The following FGB variants were observed in gnomAD, a reference collection of about 807,000 sequenced individuals.
The protein encoded by FGB is beta-fibrinogen.
In FGB, 25 loss-of-function variants were observed where a neutral mutation model predicts 57.9. The observed-to-expected ratio is 0.43, with a 90% CI of 0.31 to 0.60. The LOEUF (loss-of-function observed/expected upper bound fraction) is 0.60. Among genes scored for constraint, FGB ranks in the 20% least tolerant of loss-of-function variants. The probability of loss-of-function intolerance (pLI) is 0.08; values close to 1 mark genes in which losing one functional copy is unlikely to be tolerated. For synonymous variants in FGB, 203 were observed against 199.2 expected (o/e 1.02, Z -0.16); for missense variants, 536 against 598.4 (o/e 0.90, Z 1.09).
intron 2 of FGB, among the ~76,000 whole-genome samples, chr4:154,566,209 A>G (rs1252496502): frequency 1.3e-5 from 2 of 152,194 alleles, no homozygotes; most frequent in African/African-American, 2.4e-5. Flanking sequence ...AAAATTTCAA[A>G]TTAGGATATG....
At position 154,569,692 on chromosome 4, in the gene FGB, C is replaced by A. The variant is rs371254124; in HGVS notation, c.1137C>A (p.Ala379=). The A allele has an allele frequency of 3.1e-6, 5 of 1,614,018 alleles. No individual in the cohort carries two copies. Among genetic ancestry groups the A allele is most frequent in the Non-Finnish European group, 4.2e-6 (5 of 1,179,984 alleles). ...CAGTGAACAAATACAGAGGAACAGC[C>A]GGTAATGCCCTCATGGATGGAGCAT... ...QISVNKYRGT[A]GNALMDGASQ... The change falls in exon 7 of 8, where the codon GCC becomes GCA. Residue 379 remains alanine, a synonymous_variant. Coordinates refer to ENST00000302068, the MANE Select transcript of FGB (RefSeq NM_005141.5).
At position 154,571,115 on chromosome 4, in the gene FGB, A is replaced by G; in HGVS notation, c.*465A>G. On this transcript the variant is annotated 3_prime_UTR_variant, in exon 8 of 8. Coordinates refer to ENST00000302068, the MANE Select transcript of FGB (RefSeq NM_005141.5). ...AATGTTTTCTTGTTTTGTAATCCAC[A>G]CATTCAATGAGTTAGGCTTTGCACT... 3.8e-6 allele frequency: 1 copy of G among 261,826 alleles called. No individual in the cohort carries two copies. The highest frequency in any genetic ancestry group is 5.2e-5 in the Admixed American group (1 of 19,318). 16.2% of individuals were successfully genotyped at this position (261,826 alleles called of 1,614,324 possible). A position where few individuals can be genotyped will look rare whatever the true frequency, so the allele number is the denominator to read the frequency against.
chr4:154,564,664 C>T (rs911886500), intron 1 of FGB, among the ~76,000 whole-genome samples: 1 of 151,876 alleles, frequency 6.6e-6, no homozygotes, highest in Non-Finnish European at 1.5e-5. Flanking sequence ...CTTCTAGACT[C>T]ACAAAATTGC....
At chr4:154,565,720 C>T in intron 1 of FGB, 88 bp from the exon 2 acceptor site, 1 of 1,336,636 alleles carries the variant, frequency 7.5e-7, no homozygotes, top group Non-Finnish European at 1.1e-6. Flanking sequence ...CTTGTGATAA[C>T]CTAAATTATA....
At position 154,570,798 on chromosome 4, in the gene FGB, A is replaced by G; in HGVS notation, c.*148A>G. 1 of 702,912 alleles carries G rather than the reference A, an allele frequency of 1.4e-6. No homozygotes were observed. The highest frequency in any genetic ancestry group is 2.6e-6 in the Non-Finnish European group (1 of 383,686). The allele number at this position is 702,912 out of a possible 1,614,324, so 43.5% of individuals were successfully genotyped here. On this transcript the variant is annotated 3_prime_UTR_variant, in exon 8 of 8. Coordinates refer to ENST00000302068, the MANE Select transcript of FGB (RefSeq NM_005141.5). ...TTGAAAAAAGTATAGGATAAATTAC[A>G]TTAAAATAGCACATGATTTTCTTTT...
intron 1 of FGB, chr4:154,565,519 A>G: frequency 2.5e-6 from 1 of 393,544 alleles, no homozygotes. Flanking sequence ...GTTCCAATGT[A>G]TGTTTTAGGA....
rs770246669 is a variant in FGB, at chr4:154,566,564, G to A, written c.382G>A (p.Asp128Asn). The A allele has an allele frequency of 2.8e-5, 46 of 1,614,102 alleles. No individual in the cohort carries two copies. The highest frequency in any genetic ancestry group is 3.6e-5 in the Non-Finnish European group (43 of 1,179,978). Residue 128 changes from aspartate to asparagine, a missense_variant, in exon 3 of 8, where the codon GAT (aspartate) becomes AAT (asparagine). By Grantham distance (23) the Asp-to-Asn change is conservative. Around this residue, in one of 3 missense-constraint regions of FGB, gnomAD observed 354 missense variants for 383.4 expected, o/e 0.92. Transcript: ENST00000302068. ...GGAAAGGCCAATCAGAAATAGTGTTGATGAGTTAAATAACAATGTGGAAGC... is the reference window on the plus strand; with the variant it reads ...GGAAAGGCCAATCAGAAATAGTGTTAATGAGTTAAATAACAATGTGGAAGC... ...QQERPIRNSVDELNNNVEAVS... is the reference protein window; with the variant it reads ...QQERPIRNSVNELNNNVEAVS...
In FGB at chr4:154,571,023, G is replaced by A. The variant is rs2227420; in HGVS notation, c.*373G>A. The stretch of plus-strand genomic sequence containing the variant: ...CACTTTTAAAACTATATTTATTTAT[G>A]TAGGATCTGTCAAAGAAAACTTCCA... On this transcript the variant is annotated 3_prime_UTR_variant, in exon 8 of 8. Transcript: ENST00000302068. The A allele has an allele frequency of 6.2e-3, 1,904 of 308,986 alleles. 42 individuals carry two copies. Among genetic ancestry groups the A allele is most frequent in the African/African-American group, 0.039 (1,788 of 45,452 alleles). 19.1% of individuals were successfully genotyped at this position (308,986 alleles called of 1,614,324 possible). A position where few individuals can be genotyped will look rare whatever the true frequency, so the allele number is the denominator to read the frequency against.
At position 154,565,212 on chromosome 4, in the gene FGB, C is replaced by T. The variant is rs528071571; in HGVS notation, c.115-596C>T. On this transcript the variant is annotated intron_variant, in intron 1 of 7. Coordinates refer to ENST00000302068, the MANE Select transcript of FGB (RefSeq NM_005141.5). ...TGAGAAAACTGGGGCACAGATAAAGCAACTTGCCCAAGGTCTCATAGCTGT... is the reference window on the plus strand; with the variant it reads ...TGAGAAAACTGGGGCACAGATAAAGTAACTTGCCCAAGGTCTCATAGCTGT... 78 of 464,200 alleles carry T rather than the reference C, an allele frequency of 1.7e-4. 1 individual carries two copies. In the East Asian group the frequency reaches 5.0e-3, roughly 30 times the overall value. 28.8% of individuals were successfully genotyped at this position (464,200 alleles called of 1,614,324 possible).
In FGB at chr4:154,566,653, G is replaced by T; in HGVS notation, c.471G>T (p.Lys157Asn). 1 of 1,614,154 alleles carries T rather than the reference G, an allele frequency of 6.2e-7. No homozygotes were observed. Among genetic ancestry groups the T allele is most frequent in the Non-Finnish European group, 8.5e-7 (1 of 1,180,020 alleles). Residue 157 changes from lysine (K) to asparagine (N), a missense_variant, in exon 3 of 8, where the codon AAG becomes AAT. Around this residue, in one of 3 missense-constraint regions of FGB, gnomAD observed 354 missense variants for 383.4 expected, o/e 0.92. Transcript: ENST00000302068. ...ATTTGCTGAAAGACCTGTGGCAAAA[G>T]AGGCAGAAGCAAGTAAAAGGTAGAT... Reference protein sequence around the residue: ...YMYLLKDLWQKRQKQVKDNEN... With the variant: ...YMYLLKDLWQNRQKQVKDNEN...
intron 3 of FGB, among the ~76,000 whole-genome samples, chr4:154,567,292 C>A (rs1730198782): frequency 6.6e-6 from 1 of 152,154 alleles, no homozygotes; most frequent in Non-Finnish European, 1.5e-5. Context: ...ATGGAAGACC[C>A]CAATACTGCT....
At chr4:154,569,479 A>G (rs1730318469) in intron 6 of FGB, 35 bp from the exon 7 acceptor site, 1 of 1,601,428 alleles carries the variant, frequency 6.2e-7, no homozygotes, top group Admixed American at 1.7e-5. Context: ...CCAAAATTTT[A>G]TTTTTGGTGA....
chr4:154,566,547 C>G lies in FGB; in HGVS notation c.365C>G (p.Pro122Arg). ...LQEALLQQERPIRNSVDELNN... is the reference protein window; with the variant it reads ...LQEALLQQERRIRNSVDELNN... Reference sequence around the variant, plus strand: ...GAGGCTTTGCTACAACAGGAAAGGCCAATCAGAAATAGTGTTGATGAGTTA... The same window carrying G: ...GAGGCTTTGCTACAACAGGAAAGGCGAATCAGAAATAGTGTTGATGAGTTA... The change falls in exon 3 of 8, where the codon CCA becomes CGA. Residue 122 changes from proline (P) to arginine (R), a missense_variant. By Grantham distance (103) the Pro-to-Arg change is moderately radical (BLOSUM62 -2). Transcript: ENST00000302068. 6.2e-7 allele frequency: 1 copy of G among 1,614,088 alleles called. No homozygotes were observed. The highest frequency in any genetic ancestry group is 8.5e-7 in the Non-Finnish European group (1 of 1,180,008).
chr4:154,563,195 CATATT>C, intron 1 of FGB, 63 bp downstream of exon 1: 1 of 716,316 alleles, frequency 1.4e-6, no homozygotes, highest in African/African-American at 1.8e-5. Flanking sequence ...GTAACATAAT[CATATT>C]ATGTGCTTAT....
chr4:154,567,774 C>T lies in FGB; in HGVS notation c.672C>T (p.Arg224=). ...TCTCAGCTCAAATGGAATATTGTCG[C>T]ACCCCATGCACTGTCAGTTGCAATA... ...SDVSAQMEYC[R]TPCTVSCNIP... Residue 224 remains arginine (R), a synonymous_variant, in exon 4 of 8, where the codon CGC becomes CGT. Coordinates refer to ENST00000302068, the MANE Select transcript of FGB (RefSeq NM_005141.5). 7 of 1,614,026 alleles carry T rather than the reference C, an allele frequency of 4.3e-6. No homozygotes were observed. Among genetic ancestry groups the T allele is most frequent in the Non-Finnish European group, 5.9e-6 (7 of 1,179,962 alleles).
chr4:154,567,989 T>C (rs1369399429), intron 4 of FGB, 169 bp downstream of exon 4: 3 of 683,226 alleles, frequency 4.4e-6, no homozygotes, highest in Non-Finnish European at 7.8e-6. Context: ...TGGACTGGCC[T>C]GGTGCATTTG....
In FGB at chr4:154,572,166, A is replaced by G. The variant is rs1730454053; in HGVS notation, c.*1516A>G. On this transcript the variant is annotated 3_prime_UTR_variant, in exon 8 of 8. Coordinates refer to ENST00000302068, the MANE Select transcript of FGB (RefSeq NM_005141.5). ...AGTACCATTTCCTGTTCCCTTCACTATAACCTACATTTTTGTCACATTAAG... is the reference window on the plus strand; with the variant it reads ...AGTACCATTTCCTGTTCCCTTCACTGTAACCTACATTTTTGTCACATTAAG... Among the ~76,000 whole-genome samples the G allele has an allele frequency of 6.6e-6, 1 of 152,276 alleles. No individual in the cohort carries two copies. The highest frequency in any genetic ancestry group is 2.1e-4 in the South Asian group (1 of 4,824).
chr4:154,570,643 A>G lies in FGB; in HGVS notation c.1469A>G (p.Gln490Arg). 6.2e-7 allele frequency: 1 copy of G among 1,612,208 alleles called. No individual in the cohort carries two copies. Among genetic ancestry groups the G allele is most frequent in the Non-Finnish European group, 8.5e-7 (1 of 1,178,260 alleles). Residue 490 changes from glutamine to arginine, a missense_variant, in exon 8 of 8, where the codon CAG becomes CGG. Around this residue, in one of 3 missense-constraint regions of FGB, gnomAD observed 177 missense variants for 193.7 expected, o/e 0.91. Coordinates refer to ENST00000302068, the MANE Select transcript of FGB (RefSeq NM_005141.5). The part of the protein sequence containing the change: ...MSMKIRPFFP[Q>R]Q ...ATGAAGATCAGGCCCTTCTTCCCACAGCAATAGTCCCCAATACGTAGATTT... is the reference window on the plus strand; with the variant it reads ...ATGAAGATCAGGCCCTTCTTCCCACGGCAATAGTCCCCAATACGTAGATTT...
rs1478219565 is a variant in FGB, at chr4:154,570,810, C to T, written c.*160C>T. 4.4e-6 allele frequency: 3 copies of T among 681,528 alleles called. No individual in the cohort carries two copies. Among genetic ancestry groups the T allele is most frequent in the Non-Finnish European group, 8.0e-6 (3 of 374,074 alleles). 42.2% of individuals were successfully genotyped at this position (681,528 alleles called of 1,614,324 possible). A position where few individuals can be genotyped will look rare whatever the true frequency, so the allele number is the denominator to read the frequency against. ...TAGGATAAATTACATTAAAATAGCA[C>T]ATGATTTTCTTTTGTTTTCTTCATT... On this transcript the variant is annotated 3_prime_UTR_variant, in exon 8 of 8. Coordinates refer to ENST00000302068, the MANE Select transcript of FGB (RefSeq NM_005141.5).
Sources: gnomAD v4.1 joint callset for allele counts (sites outside exome capture counted in the v4.1 genomes callset) on GRCh38, gnomAD v4.1.1 for gene constraint, gnomAD v4.1.1 regional missense constraint, MANE v1.5 for transcripts, NCBI Gene and HGNC (gene_info 2026-07-23, HGNC 2026-07-21) for gene names.